The following WNK3 variants were observed in gnomAD, a reference collection of about 807,000 sequenced individuals.
WNK3 encodes WNK lysine deficient protein kinase 3.
A neutral mutation model predicts 116.7 loss-of-function variants in WNK3; 18 were observed. The ratio of observed to expected loss-of-function variants is 0.15; its 90% CI spans 0.11 to 0.23. The LOEUF is 0.23. Among genes scored for constraint, WNK3 ranks in the 10% least tolerant of loss-of-function variants. The pLI, the probability that WNK3 is intolerant of heterozygous loss-of-function variation, is 1.00. For missense variants in WNK3, 993 were observed against 1,323.8 expected, an observed-to-expected ratio of 0.75 and a Z score of 3.88; for synonymous variants, 404 against 469.4, an observed-to-expected ratio of 0.86 and a Z score of 1.80.
chrX:54,340,689 A>G (rs1358081677), intron 1 of WNK3, among the ~76,000 whole-genome samples: 1 of 112,015 alleles, frequency 8.9e-6, no homozygotes, highest in African/African-American at 3.2e-5. Flanking sequence ...CTGAATAGAC[A>G]TTTCTATAAA....
intron 1 of WNK3, among the ~76,000 whole-genome samples, chrX:54,355,421 G>A (rs782768207): frequency 5.4e-5 from 6 of 111,100 alleles, no homozygotes; most frequent in Non-Finnish European, 9.4e-5. Flanking sequence ...CCAAAGTACC[G>A]TAATAAAATT....
At chrX:54,337,128 G>T (rs1468026388) in intron 1 of WNK3, among the ~76,000 whole-genome samples, 10 of 111,657 alleles carry the variant, frequency 9.0e-5, no homozygotes, top group Admixed American at 5.8e-4. Flanking sequence ...AACATTTTAG[G>T]TGAGATTTTA....
At position 54,296,143 on chromosome X, in the gene WNK3, G is replaced by C. The variant is rs1239118256; in HGVS notation, c.1399-1296C>G. On this transcript the variant is annotated intron_variant, in intron 7 of 23. Transcript: ENST00000354646. Reference sequence around the variant, plus strand: ...ATCTTACTAGGCATTAGAGGAGTGAGAGAAGAAAAGGTTCTGCCTCGTCAT... The same window carrying C: ...ATCTTACTAGGCATTAGAGGAGTGACAGAAGAAAAGGTTCTGCCTCGTCAT... 2.7e-5 allele frequency among the ~76,000 whole-genome samples: 3 copies of C among 111,969 alleles called. No individual in the cohort carries two copies. The Admixed American group carries it at 2.9e-4, about 11-fold the overall frequency.
intron 17 of WNK3, among the ~76,000 whole-genome samples, chrX:54,240,816 C>T (rs1053808960): frequency 2.7e-5 from 3 of 111,318 alleles, no homozygotes; most frequent in Non-Finnish European, 5.7e-5. Context: ...GTTTACTGGC[C>T]GCCTTTTGGT....
At chrX:54,350,337 G>C (rs782544088) in intron 1 of WNK3, among the ~76,000 whole-genome samples, 1 of 109,609 alleles carries the variant, frequency 9.1e-6, no homozygotes, top group Non-Finnish European at 1.9e-5. Flanking sequence ...GTGAACCCAC[G>C]AGGTGGAGCT....
At chrX:54,211,697 G>A (rs1178752794) in intron 22 of WNK3, among the ~76,000 whole-genome samples, 1 of 109,606 alleles carries the variant, frequency 9.1e-6, no homozygotes, top group African/African-American at 3.3e-5. Flanking sequence ...CCAGCTACTC[G>A]GAAGGCTGAT....
intron 22 of WNK3, among the ~76,000 whole-genome samples, chrX:54,205,164 G>A (rs950268906): frequency 4.5e-5 from 5 of 110,260 alleles, no homozygotes; most frequent in East Asian, 2.8e-4. Context: ...GCAGTGAGCC[G>A]AGATCACGCT....
intron 10 of WNK3, among the ~76,000 whole-genome samples, chrX:54,264,752 G>A (rs782615046): frequency 9.0e-6 from 1 of 111,133 alleles, no homozygotes; most frequent in Non-Finnish European, 1.9e-5. Flanking sequence ...ATACTGCCCC[G>A]TTAAGTGATC....
At chrX:54,261,344 A>C (rs1419332963) in intron 10 of WNK3, among the ~76,000 whole-genome samples, 2 of 111,192 alleles carry the variant, frequency 1.8e-5, no homozygotes, top group Non-Finnish European at 3.8e-5. Context: ...GGCTGACTTC[A>C]TGTGTGTGAT....
At chrX:54,310,960 C>A (rs1406511730) in intron 3 of WNK3, among the ~76,000 whole-genome samples, 159 bp downstream of exon 3, 3 of 111,440 alleles carry the variant, frequency 2.7e-5, no homozygotes, top group African/African-American at 9.8e-5. Context: ...TTGAGATCCA[C>A]CCTCCTCAGT....
At chrX:54,254,159 C>G in intron 12 of WNK3, 84 bp from the exon 13 acceptor site, 1 of 549,762 alleles carries the variant, frequency 1.8e-6, no homozygotes, top group Non-Finnish European at 3.0e-6. Flanking sequence ...CACTAGTTCA[C>G]GTACAATATA....
chrX:54,201,698 G>A (rs1427241217), intron 23 of WNK3, among the ~76,000 whole-genome samples: 1 of 111,807 alleles, frequency 8.9e-6, no homozygotes, highest in Non-Finnish European at 1.9e-5. Flanking sequence ...TGCCCATTTG[G>A]TTACATATTC....
At chrX:54,278,426 A>G (rs1557161534) in intron 10 of WNK3, among the ~76,000 whole-genome samples, 1 of 110,519 alleles carries the variant, frequency 9.0e-6, no homozygotes, top group Non-Finnish European at 1.9e-5. Flanking sequence ...GCTAAAAAAA[A>G]AAACTTAAAA....
intron 10 of WNK3, among the ~76,000 whole-genome samples, chrX:54,265,449 T>C (rs1040610454): frequency 1.8e-5 from 2 of 110,331 alleles, no homozygotes; most frequent in African/African-American, 6.6e-5. Flanking sequence ...ATTGCGCAAC[T>C]GCACTCCAGC....
chrX:54,347,199 A>G (rs1272343394), intron 1 of WNK3, among the ~76,000 whole-genome samples: 2 of 112,578 alleles, frequency 1.8e-5, no homozygotes, highest in Non-Finnish European at 3.7e-5. Flanking sequence ...TATAAAGACA[A>G]CCGTGGCTGG....
chrX:54,259,169 A>C, intron 11 of WNK3, 105 bp downstream of exon 11: 1 of 390,966 alleles, frequency 2.6e-6, no homozygotes, highest in Non-Finnish European at 4.2e-6. Flanking sequence ...ACACAAGTAC[A>C]AGAATACAGA....
intron 12 of WNK3, among the ~76,000 whole-genome samples, chrX:54,255,132 A>G (rs782691601): frequency 5.8e-4 from 64 of 110,587 alleles, no homozygotes; most frequent in African/African-American, 2.0e-3. Context: ...GGCATGCACC[A>G]CCATGCCTGG....
At chrX:54,218,012 A>G (rs2067718011) in intron 22 of WNK3, among the ~76,000 whole-genome samples, 1 of 111,590 alleles carries the variant, frequency 9.0e-6, no homozygotes, top group Non-Finnish European at 1.9e-5. Flanking sequence ...ACCCAACAAA[A>G]ACATCCTGGA....
chrX:54,278,824 A>T (rs2147056859), intron 10 of WNK3, among the ~76,000 whole-genome samples: 1 of 112,054 alleles, frequency 8.9e-6, no homozygotes, highest in African/African-American at 3.2e-5. Flanking sequence ...TAATCCCAGC[A>T]CTTTGGGAGG....
Sources: gnomAD v4.1 joint callset for allele counts (sites outside exome capture counted in the v4.1 genomes callset) on GRCh38, gnomAD v4.1.1 for gene constraint, MANE v1.5 for transcripts, NCBI Gene and HGNC (gene_info 2026-07-23, HGNC 2026-07-21) for gene names.